Variants in AGBL4 observed in about 807,000 individuals in gnomAD.
AGBL4 encodes the protein cytosolic carboxypeptidase 6.
Under a neutral mutation model 66.4 loss-of-function variants are expected in AGBL4, and 58 were observed. The observed-to-expected ratio is 0.87, with a 90% CI of 0.71 to 1.09. The LOEUF (loss-of-function observed/expected upper bound fraction) is 1.09. AGBL4 is among the 50% of genes least tolerant of loss of function. AGBL4 has a pLI of 0.00. For missense variants in AGBL4, 579 were observed against 631.0 expected (o/e 0.92, Z 0.88); for synonymous variants, 234 against 222.9 (o/e 1.05, Z -0.44).
intron 3 of AGBL4, among the ~76,000 whole-genome samples, chr1:49,314,679 T>G (rs1645006568): frequency 6.6e-6 from 1 of 152,100 alleles, no homozygotes; most frequent in Non-Finnish European, 1.5e-5. Context: ...TGAACAGTGC[T>G]GCAATAAACA....
chr1:48,930,898 T>G (rs1230898622), intron 5 of AGBL4, among the ~76,000 whole-genome samples: 8 of 152,208 alleles, frequency 5.3e-5, no homozygotes, highest in African/African-American at 9.6e-5. Flanking sequence ...TCTAAGTGAC[T>G]TACCCAAGGT....
chr1:48,996,425 G>A lies in AGBL4; in HGVS notation c.594+49159C>T, dbSNP rs568357474. Among the ~76,000 whole-genome samples the A allele has an allele frequency of 1.7e-3, 263 of 152,268 alleles. 1 individual carries two copies. Among genetic ancestry groups the A allele is most frequent in the African/African-American group, 5.8e-3 (243 of 41,556 alleles). Reference sequence around the variant, plus strand: ...ACTTTAACATTTAATGTATGGGAGCGAAGAATACATCAAACGATCCTGAGA... The same window carrying A: ...ACTTTAACATTTAATGTATGGGAGCAAAGAATACATCAAACGATCCTGAGA... On this transcript the variant is annotated intron_variant, in intron 5 of 13. Transcript: ENST00000371839.
intron 2 of AGBL4, among the ~76,000 whole-genome samples, chr1:49,770,557 C>T (rs1310705100): frequency 6.6e-6 from 1 of 152,122 alleles, no homozygotes; most frequent in Non-Finnish European, 1.5e-5. Context: ...GTATTCCCTC[C>T]TCTTTAATTT....
At chr1:49,792,108 C>T (rs951237692) in intron 2 of AGBL4, among the ~76,000 whole-genome samples, 1 of 152,040 alleles carries the variant, frequency 6.6e-6, no homozygotes, top group Non-Finnish European at 1.5e-5. Context: ...TCCTGGGTAA[C>T]TTTCATCACT....
In AGBL4 at chr1:49,482,355, T is replaced by C. The variant is rs139260014; in HGVS notation, c.282+214958A>G. On this transcript the variant is annotated intron_variant, in intron 3 of 13. Transcript: ENST00000371839. ...ATCGGAAATTCAGTTTCTTCCTGGT[T>C]CAGTCATGCGAGGGTGTAAGTGCCC... Among the ~76,000 whole-genome samples, 525 of 152,080 alleles carry C rather than the reference T, an allele frequency of 3.5e-3. 6 individuals carry two copies. Among genetic ancestry groups the C allele is most frequent in the African/African-American group, 0.012 (509 of 41,534 alleles).
At chr1:49,829,394 T>C (rs913646357) in intron 2 of AGBL4, among the ~76,000 whole-genome samples, 4 of 152,124 alleles carry the variant, frequency 2.6e-5, no homozygotes, top group Non-Finnish European at 5.9e-5. Context: ...TAAGACAGTA[T>C]TGGAAAGTAA....
At chr1:49,302,961 A>G (rs1003075901) in intron 3 of AGBL4, among the ~76,000 whole-genome samples, 3 of 152,054 alleles carry the variant, frequency 2.0e-5, no homozygotes, top group Non-Finnish European at 4.4e-5. Context: ...AATGGTTTCC[A>G]GTTCCATCCA....
chr1:48,932,824 A>G (rs1447804979), intron 5 of AGBL4, among the ~76,000 whole-genome samples: 2 of 152,018 alleles, frequency 1.3e-5, no homozygotes, highest in African/African-American at 4.8e-5. Context: ...ACACAACTCC[A>G]TCACCAAAAA....
chr1:49,596,113 C>T (rs1644848262), intron 3 of AGBL4, among the ~76,000 whole-genome samples: 1 of 152,132 alleles, frequency 6.6e-6, no homozygotes, highest in Admixed American at 6.5e-5. Context: ...CATCCACAGG[C>T]AATGTGTCTT....
intron 4 of AGBL4, among the ~76,000 whole-genome samples, chr1:49,213,318 C>T (rs354157): frequency 0.93 from 141,429 of 152,192 alleles, 65,820 homozygotes; most frequent in South Asian, 0.95. Flanking sequence ...GTATATCTGA[C>T]ATAGTTTGAA....
At chr1:48,735,900 C>T (rs983133812) in intron 6 of AGBL4, among the ~76,000 whole-genome samples, 2 of 152,152 alleles carry the variant, frequency 1.3e-5, no homozygotes, top group African/African-American at 4.8e-5. Flanking sequence ...CCGTATTCTT[C>T]AAGGCCCAGT....
intron 3 of AGBL4, among the ~76,000 whole-genome samples, chr1:49,677,055 A>G (rs1261132466): frequency 6.6e-6 from 1 of 151,942 alleles, no homozygotes; most frequent in Non-Finnish European, 1.5e-5. Context: ...TTATCCTTTT[A>G]GACCAAGTTC....
At chr1:49,017,824 C>G (rs536077341) in intron 5 of AGBL4, among the ~76,000 whole-genome samples, 11 of 152,308 alleles carry the variant, frequency 7.2e-5, no homozygotes, top group African/African-American at 2.6e-4. Flanking sequence ...AAATAGAGCA[C>G]TAACCCTGGG....
At chr1:48,961,601 G>A (rs1252888258) in intron 5 of AGBL4, among the ~76,000 whole-genome samples, 2 of 152,168 alleles carry the variant, frequency 1.3e-5, no homozygotes, top group East Asian at 1.9e-4. Context: ...AACCAAGGGA[G>A]CCATCCCAGG....
Position 48,590,951 on chromosome 1 carries a change from G to A in AGBL4, c.986C>T (p.Ala329Val). Residue 329 changes from alanine (A) to valine (V), a missense_variant, in exon 10 of 14, where the codon GCC (alanine) becomes GTC (valine). By Grantham distance (64) the Ala-to-Val change is moderately conservative (BLOSUM62 0). Coordinates refer to ENST00000371839, the MANE Select transcript of AGBL4 (RefSeq NM_032785.4). ...GAAGCCATTCATCATGGTGGAGTGG[G>A]CATGGATGTCAATATAAAACTCCAG... is the stretch of plus-strand genomic sequence containing the variant. The part of the protein sequence containing the change: ...TSLEFYIDIH[A>V]HSTMMNGFMY... 1.2e-6 allele frequency: 2 copies of A among 1,610,588 alleles called. No homozygotes were observed. The highest frequency in any genetic ancestry group is 1.1e-5 in the South Asian group (1 of 89,712).
At chr1:49,332,940 G>A (rs1470607644) in intron 3 of AGBL4, among the ~76,000 whole-genome samples, 2 of 152,020 alleles carry the variant, frequency 1.3e-5, no homozygotes, top group East Asian at 1.9e-4. Context: ...GTTTCCTGAC[G>A]TTTTAATGAT....
At chr1:49,829,191 C>T (rs945200815) in intron 2 of AGBL4, among the ~76,000 whole-genome samples, 14 of 151,946 alleles carry the variant, frequency 9.2e-5, no homozygotes, top group African/African-American at 3.4e-4. Flanking sequence ...AATAATAATT[C>T]TTAATGGACG....
chr1:48,918,624 C>G lies in AGBL4; in HGVS notation c.595-51394G>C, dbSNP rs555243303. The stretch of plus-strand genomic sequence containing the variant: ...GCTAGCTAGCCATGTTGGGATACAA[C>G]AAGAAGATGGCAGTCTGTGACCTGG... On this transcript the variant is annotated intron_variant, in intron 5 of 13. Transcript: ENST00000371839. Among the ~76,000 whole-genome samples the G allele has an allele frequency of 1.7e-3, 264 of 152,278 alleles. 1 individual carries two copies. The highest frequency in any genetic ancestry group is 6.0e-3 in the African/African-American group (248 of 41,566).
chr1:49,511,665 G>A (rs1450067285), intron 3 of AGBL4, among the ~76,000 whole-genome samples: 1 of 151,612 alleles, frequency 6.6e-6, no homozygotes, highest in Non-Finnish European at 1.5e-5. Context: ...TCTCCCCAAT[G>A]CGTTTTATAA....
Sources: gnomAD v4.1 joint callset for allele counts (sites outside exome capture counted in the v4.1 genomes callset) on GRCh38, gnomAD v4.1.1 for gene constraint, MANE v1.5 for transcripts, NCBI Gene and HGNC (gene_info 2026-07-23, HGNC 2026-07-21) for gene names.